MTSS1: variants seen among roughly 807,000 people sequenced by gnomAD.
MTSS1 encodes the protein protein MTSS 1.
In MTSS1, 18 loss-of-function variants were observed where a neutral mutation model predicts 79.0. That is an observed-to-expected ratio of 0.23 (90% CI 0.16 to 0.34). The LOEUF (loss-of-function observed/expected upper bound fraction) is 0.34, where lower values mean the gene tolerates loss of function less well. Ranked by LOEUF, MTSS1 falls within the 10% of genes least tolerant of loss-of-function variation. The pLI, the probability that MTSS1 is intolerant of heterozygous loss-of-function variation, is 1.00. For missense variants in MTSS1, 815 were observed against 986.2 expected, an observed-to-expected ratio of 0.83 and a Z score of 2.33; for synonymous variants, 341 against 368.6, an observed-to-expected ratio of 0.93 and a Z score of 0.86.
At position 124,629,386 on chromosome 8, in the gene MTSS1, G is replaced by A. The variant is rs916575049; in HGVS notation, c.209-38151C>T. On this transcript the variant is annotated intron_variant, in intron 3 of 13. Transcript: ENST00000518547. ...CAAAAAATTAGCCAGGTGTGGTGGCGGGCACCTGTAGTCCCAGCTACTTGG... is the reference window on the plus strand; with the variant it reads ...CAAAAAATTAGCCAGGTGTGGTGGCAGGCACCTGTAGTCCCAGCTACTTGG... Among the ~76,000 whole-genome samples the A allele has an allele frequency of 6.0e-5, 9 of 150,994 alleles. No individual in the cohort carries two copies. In the East Asian group the frequency reaches 7.8e-4, roughly 13 times the overall value.
chr8:124,727,234 C>G lies in MTSS1; in HGVS notation c.72+650G>C, dbSNP rs1056228911. On this transcript the variant is annotated intron_variant, in intron 1 of 13. Transcript: ENST00000518547. The surrounding 1 kb of genome is among the most constrained non-coding windows in gnomAD (Gnocchi z 4.7). The stretch of plus-strand genomic sequence containing the variant: ...GCCCCAATCTTGCCTTTAGGCTCAG[C>G]TGGGAGAAGGCGGGGCCCCTGCAAG... 5.9e-5 allele frequency among the ~76,000 whole-genome samples: 9 copies of G among 152,350 alleles called. No homozygotes were observed. In the South Asian group the frequency reaches 1.4e-3, roughly 25 times the overall value.
At chr8:124,563,086 G>A in intron 9 of MTSS1, 94 bp from the exon 10 acceptor site, 2 of 1,049,408 alleles carry the variant, frequency 1.9e-6, no homozygotes, top group Non-Finnish European at 2.8e-6. Context: ...AACAGATGAG[G>A]CAGAAGAGAG....
At chr8:124,656,066 G>C (rs1340379650) in intron 3 of MTSS1, among the ~76,000 whole-genome samples, 2 of 152,216 alleles carry the variant, frequency 1.3e-5, no homozygotes, top group African/African-American at 4.8e-5. Flanking sequence ...AATGTGTCTT[G>C]AGCATTGAAT....
rs963145338 is a variant in MTSS1 at position 124,574,972 on chromosome 8, G to GT, written c.461-6437dup. Among the ~76,000 whole-genome samples, 53 of 149,608 alleles carry GT rather than the reference G, an allele frequency of 3.5e-4. No individual in the cohort carries two copies. The South Asian group carries it at 4.0e-3, about 11-fold the overall frequency. ...TGGTGTGTCACAGTTTAATCGGTAGGTTTTTTTTTTCCTTTCTTAGTGGTC... is the reference window on the plus strand; with the variant it reads ...TGGTGTGTCACAGTTTAATCGGTAGGTTTTTTTTTTTCCTTTCTTAGTGGTC... On this transcript the variant is annotated intron_variant, in intron 6 of 13. Transcript: ENST00000518547.
At chr8:124,585,028 A>C in intron 6 of MTSS1, 59 bp downstream of exon 6, 1 of 1,479,930 alleles carries the variant, frequency 6.8e-7, no homozygotes, top group East Asian at 2.3e-5. Flanking sequence ...CTTTCACTTC[A>C]AAAACAAATC....
chr8:124,580,244 G>T, intron 6 of MTSS1: 1 of 333,238 alleles, frequency 3.0e-6, no homozygotes. Flanking sequence ...TATTGACTGT[G>T]GAAATGACAG....
chr8:124,666,662 A>G (rs1823147483), intron 3 of MTSS1, among the ~76,000 whole-genome samples: 1 of 152,154 alleles, frequency 6.6e-6, no homozygotes, highest in South Asian at 2.1e-4. Flanking sequence ...TCTGAGGTCC[A>G]AAAAGATGAA....
chr8:124,651,053 A>G (rs1202293266), intron 3 of MTSS1, among the ~76,000 whole-genome samples: 1 of 152,242 alleles, frequency 6.6e-6, no homozygotes, highest in African/African-American at 2.4e-5. Flanking sequence ...GCAAGTGTTC[A>G]TTAAATGTTG....
At chr8:124,558,680 T>G in intron 10 of MTSS1, 1 of 1,502,170 alleles carries the variant, frequency 6.7e-7, no homozygotes, top group Non-Finnish European at 8.9e-7. Flanking sequence ...CCAGGGAGAG[T>G]GGGGCCGCTG....
chr8:124,580,380 A>T, intron 6 of MTSS1: 1 of 641,940 alleles, frequency 1.6e-6, no homozygotes, highest in Non-Finnish European at 2.6e-6. Flanking sequence ...CAATTAAAAC[A>T]CAACGCACAC....
At position 124,553,371 on chromosome 8, in the gene MTSS1, A is replaced by G; in HGVS notation, c.1889T>C (p.Leu630Ser). ...TPTVPDLPGV[L>S]PAPPDGPEER... ...TTCTGGCCCATCTGGAGGGGCTGGC[A>G]ACACCCCTGGGAGGTCTGGGACGGT... The change falls in exon 14 of 14, where the codon TTG (leucine) becomes TCG (serine). Residue 630 changes from leucine (L) to serine (S), a missense_variant. By Grantham distance (145) the Leu-to-Ser change is moderately radical. Coordinates refer to ENST00000518547, the MANE Select transcript of MTSS1 (RefSeq NM_014751.6). The surrounding 1 kb of genome is among the most constrained non-coding windows in gnomAD (Gnocchi z 6.0). 1 of 1,611,706 alleles carries G rather than the reference A, an allele frequency of 6.2e-7. No individual in the cohort carries two copies. The highest frequency in any genetic ancestry group is 2.2e-5 in the East Asian group (1 of 44,804).
chr8:124,567,679 G>A, intron 7 of MTSS1: 3 of 1,455,714 alleles, frequency 2.1e-6, no homozygotes, highest in Non-Finnish European at 1.8e-6. Context: ...GACAGGAGCT[G>A]GGGACCATGG....
At chr8:124,692,556 C>A (rs1353774633) in intron 3 of MTSS1, among the ~76,000 whole-genome samples, 1 of 152,114 alleles carries the variant, frequency 6.6e-6, no homozygotes, top group Non-Finnish European at 1.5e-5. Context: ...AGGAAACAAC[C>A]CAGCTGGGAA....
At chr8:124,576,609 A>G (rs548414259) in intron 6 of MTSS1, among the ~76,000 whole-genome samples, 17 of 152,286 alleles carry the variant, frequency 1.1e-4, no homozygotes, top group African/African-American at 3.1e-4. Flanking sequence ...AAACTAATAA[A>G]TGGAGGCTGG....
chr8:124,629,066 G>A (rs1815320144), intron 3 of MTSS1, among the ~76,000 whole-genome samples: 2 of 152,180 alleles, frequency 1.3e-5, no homozygotes, highest in African/African-American at 4.8e-5. Flanking sequence ...CCAGGCCTAG[G>A]CCTAAGCTCT....
chr8:124,700,371 A>G (rs1829540275), intron 2 of MTSS1, among the ~76,000 whole-genome samples: 1 of 152,192 alleles, frequency 6.6e-6, no homozygotes, highest in Non-Finnish European at 1.5e-5. Context: ...AGGAGAACTG[A>G]GGCCACAAAT....
At chr8:124,708,849 G>A (rs1039266598) in intron 1 of MTSS1, among the ~76,000 whole-genome samples, 4 of 150,984 alleles carry the variant, frequency 2.6e-5, no homozygotes, top group Non-Finnish European at 4.4e-5. Flanking sequence ...ACCTGTTTTA[G>A]GCAATATATA....
At chr8:124,708,126 T>C (rs555964887) in intron 1 of MTSS1, among the ~76,000 whole-genome samples, 75 of 152,222 alleles carry the variant, frequency 4.9e-4, no homozygotes, top group Non-Finnish European at 1.0e-3. Flanking sequence ...TGAATAAAGA[T>C]TGCACGTACA....
rs111294362 is a variant in MTSS1 at position 124,718,451 on chromosome 8, C to T, written c.72+9433G>A. ...GCTTGGCTGTCGGCTAGTCCTGGCT[C>T]TGCTCCCCGCTCCCTGTTTCCTATT... On this transcript the variant is annotated intron_variant, in intron 1 of 13. Coordinates refer to ENST00000518547, the MANE Select transcript of MTSS1 (RefSeq NM_014751.6). Among the ~76,000 whole-genome samples, 279 of 152,218 alleles carry T rather than the reference C, an allele frequency of 1.8e-3. 2 individuals carry two copies. The highest frequency in any genetic ancestry group is 6.5e-3 in the African/African-American group (269 of 41,544).
Sources: allele counts gnomAD v4.1 joint callset (sites outside exome capture counted in the v4.1 genomes callset), GRCh38; gene constraint gnomAD v4.1.1; non-coding constraint Gnocchi (gnomAD v3.1); transcripts MANE v1.5; gene names NCBI Gene and HGNC (gene_info 2026-07-23, HGNC 2026-07-21).